The following ATG4B variants were observed in gnomAD, a reference collection of about 807,000 sequenced individuals.
ATG4B encodes autophagy related 4B cysteine peptidase, also known as cysteine protease ATG4B.
ATG4B carries 29 observed loss-of-function variants against 56.6 expected under a neutral mutation model. That is an observed-to-expected ratio of 0.51 (90% confidence interval 0.38 to 0.70). ATG4B has a LOEUF of 0.70. Ranked by LOEUF, ATG4B falls within the 30% of genes least tolerant of loss-of-function variation. ATG4B has a pLI of 0.00. For missense variants in ATG4B, 461 were observed against 515.5 expected (o/e 0.89, Z 1.02); for synonymous variants, 224 against 206.1 (o/e 1.09, Z -0.74).
chr2:241,650,993 A>G lies in ATG4B; in HGVS notation c.11-17A>G, dbSNP rs769044465. 6 of 1,599,002 alleles carry G rather than the reference A, an allele frequency of 3.8e-6. No homozygotes were observed. The South Asian group carries it at 4.5e-5, about 12-fold the overall frequency. ...AATTATAAGTGTCTGATGATTGTGC[A>G]TCTTTGGTTTCAACAGCTACTCTGA... is the stretch of plus-strand genomic sequence containing the variant. On this transcript the variant is annotated splice_polypyrimidine_tract_variant and intron_variant, in intron 1 of 12. Transcript: ENST00000404914.
At chr2:241,661,330 GC>G (rs987621675) in intron 7 of ATG4B, among the ~76,000 whole-genome samples, 4 of 152,204 alleles carry the variant, frequency 2.6e-5, no homozygotes, top group African/African-American at 9.7e-5. Context: ...GATGCACAAG[GC>G]TTGGGTTTCT....
At chr2:241,667,910 C>A (rs975350184) in intron 8 of ATG4B, 16 of 520,232 alleles carry the variant, frequency 3.1e-5, no homozygotes, top group African/African-American at 5.8e-5. Flanking sequence ...TCCCCAAAGC[C>A]CACCTCTGAC....
At chr2:241,655,246 G>A (rs1461868275) in intron 5 of ATG4B, 25 bp from the exon 6 acceptor site, 1 of 1,600,178 alleles carries the variant, frequency 6.2e-7, no homozygotes. Context: ...GGTGTGTGTT[G>A]CTAATGTGTA....
rs1456576939 is a variant in ATG4B, at chr2:241,653,733, T to C, written c.283+123T>C. The C allele has an allele frequency of 3.8e-6, 3 of 793,280 alleles. No homozygotes were observed. In the South Asian group the frequency reaches 5.6e-5, roughly 15 times the overall value. 49.1% of individuals were successfully genotyped at this position (793,280 alleles called of 1,614,324 possible). A position where few individuals can be genotyped will look rare whatever the true frequency, so the allele number is the denominator to read the frequency against. On this transcript the variant is annotated intron_variant, in intron 4 of 12. Coordinates refer to ENST00000404914, the MANE Select transcript of ATG4B (RefSeq NM_013325.5). ...ACAGTAAGTAGAACTTGGGGGTTTC[T>C]TGAGTAATGAGCCACTTGTTTTTCT... is the stretch of plus-strand genomic sequence containing the variant.
chr2:241,672,324 T>A lies in ATG4B; in HGVS notation c.*60T>A. 1 of 1,441,538 alleles carries A rather than the reference T, an allele frequency of 6.9e-7. No homozygotes were observed. Among genetic ancestry groups the A allele is most frequent in the Non-Finnish European group, 9.5e-7 (1 of 1,048,422 alleles). 89.3% of individuals were successfully genotyped at this position (1,441,538 alleles called of 1,614,324 possible). ...CTGGGGCTCCTGGTGCCGCTGCGTT[T>A]CATCCATCCCGCCCGCTCGCCTGCC... On this transcript the variant is annotated 3_prime_UTR_variant, in exon 13 of 13. Transcript: ENST00000404914.
In ATG4B at chr2:241,637,727, G is replaced by A; in HGVS notation, c.10+3G>A. The A allele has an allele frequency of 6.3e-7, 1 of 1,577,978 alleles. No homozygotes were observed. The highest frequency in any genetic ancestry group is 8.6e-7 in the Non-Finnish European group (1 of 1,165,400). On this transcript the variant is annotated splice_donor_region_variant and intron_variant, in intron 1 of 12. Transcript: ENST00000404914. ...CCGGACTGGGAAGATGGACGCAGGT[G>A]AGGAGTTGCCGGGGGTCGGTCTTTC...
intron 7 of ATG4B, among the ~76,000 whole-genome samples, chr2:241,661,387 G>A (rs756216991): frequency 2.1e-4 from 32 of 152,174 alleles, no homozygotes; most frequent in Non-Finnish European, 4.0e-4. Context: ...CATCGGGGTC[G>A]TTCTGAATGA....
rs1575067601 is a variant in ATG4B at position 241,651,965 on chromosome 2, G to C, written c.184+630G>C. ...CCTTGCCTCTCACCGGCGGAGAACT[G>C]AGGCCGGAGGTGAGGGCCGGGCTGG... On this transcript the variant is annotated intron_variant, in intron 3 of 12. Transcript: ENST00000404914. This position sits in a 1 kb window ranked among gnomAD's most constrained non-coding sequence, Gnocchi z 4.1. The C allele has an allele frequency of 7.7e-7, 1 of 1,303,948 alleles. No individual in the cohort carries two copies. The highest frequency in any genetic ancestry group is 5.5e-5 in the East Asian group (1 of 18,038). The allele number at this position is 1,303,948 out of a possible 1,614,324, so 80.8% of individuals were successfully genotyped here.
At chr2:241,671,274 G>T in intron 11 of ATG4B, 38 bp from the exon 12 acceptor site, 1 of 1,566,528 alleles carries the variant, frequency 6.4e-7, no homozygotes, top group African/African-American at 1.3e-5. Flanking sequence ...GCAAGCACTG[G>T]GGTGAGGCTG....
chr2:241,662,771 C>T (rs1305155698), intron 7 of ATG4B, among the ~76,000 whole-genome samples: 4 of 152,074 alleles, frequency 2.6e-5, no homozygotes, highest in Non-Finnish European at 5.9e-5. Flanking sequence ...CGCCTATAAT[C>T]CCAACTTCAA....
At chr2:241,648,865 G>A (rs1393896634) in intron 1 of ATG4B, among the ~76,000 whole-genome samples, 1 of 152,172 alleles carries the variant, frequency 6.6e-6, no homozygotes, top group South Asian at 2.1e-4. Context: ...CCTGTGTTTG[G>A]GAATTAGCTG....
chr2:241,666,736 T>A lies in ATG4B; in HGVS notation c.630T>A (p.Ala210=), dbSNP rs1460203369. The A allele has an allele frequency of 1.6e-5, 26 of 1,611,118 alleles. No individual in the cohort carries two copies. The highest frequency in any genetic ancestry group is 2.2e-5 in the Non-Finnish European group (26 of 1,178,728). ...DRHCNGFPAG[A]EVTNRPSPWR... is the part of the protein sequence containing the mutation. ...ACTGCAACGGATTCCCTGCCGGAGCTGAGGTCACCAACAGGCCGTCGCCAT... is the reference window on the plus strand; with the variant it reads ...ACTGCAACGGATTCCCTGCCGGAGCAGAGGTCACCAACAGGCCGTCGCCAT... The change falls in exon 8 of 13, where the codon GCT becomes GCA. Residue 210 remains alanine, a synonymous_variant. Transcript: ENST00000404914.
Position 241,668,395 on chromosome 2 carries a change from G to A in ATG4B, c.812-145G>A. 3 of 1,371,188 alleles carry A rather than the reference G, an allele frequency of 2.2e-6. No individual in the cohort carries two copies. The South Asian group carries it at 3.8e-5, about 17-fold the overall frequency. 84.9% of individuals were successfully genotyped at this position (1,371,188 alleles called of 1,614,324 possible). A position where few individuals can be genotyped will look rare whatever the true frequency, so the allele number is the denominator to read the frequency against. On this transcript the variant is annotated intron_variant, in intron 9 of 12. Coordinates refer to ENST00000404914, the MANE Select transcript of ATG4B (RefSeq NM_013325.5). The surrounding 1 kb of genome is among the most constrained non-coding windows in gnomAD (Gnocchi z 4.2). Reference sequence around the variant, plus strand: ...CCTCCTGTGTGCCCCTTTCCCTGATGGTCTGGTGCCCTCGGCTCCCTCCCC... The same window carrying A: ...CCTCCTGTGTGCCCCTTTCCCTGATAGTCTGGTGCCCTCGGCTCCCTCCCC...
At chr2:241,669,530 C>A (rs565525480) in intron 10 of ATG4B, among the ~76,000 whole-genome samples, 12 of 152,206 alleles carry the variant, frequency 7.9e-5, no homozygotes, top group South Asian at 2.1e-4. Flanking sequence ...GTTTTTGAGA[C>A]GGAGTCTCAC....
intron 1 of ATG4B, among the ~76,000 whole-genome samples, chr2:241,641,958 A>G (rs1156913274): frequency 6.6e-6 from 1 of 152,052 alleles, no homozygotes; most frequent in Non-Finnish European, 1.5e-5. Context: ...CACACTGCCC[A>G]TTCCTTGAGG....
intron 4 of ATG4B, among the ~76,000 whole-genome samples, chr2:241,654,237 A>G (rs1202445478): frequency 6.6e-6 from 1 of 151,912 alleles, no homozygotes; most frequent in Non-Finnish European, 1.5e-5. Flanking sequence ...CCTGGCCAGC[A>G]TGGTGAAACC....
chr2:241,652,010 C>T (rs1196678154), intron 3 of ATG4B: 3 of 1,292,730 alleles, frequency 2.3e-6, no homozygotes, highest in African/African-American at 3.0e-5. Context: ...TCCTCAGTGC[C>T]AGGTCAGGGT....
intron 7 of ATG4B, among the ~76,000 whole-genome samples, chr2:241,661,428 G>T (rs932539686): frequency 8.5e-5 from 13 of 152,152 alleles, no homozygotes; most frequent in South Asian, 2.1e-4. Context: ...AGGGAGTAGT[G>T]GGGGGAGGGC....
Position 241,651,448 on chromosome 2 carries a change from A to G in ATG4B, c.184+113A>G, listed in dbSNP as rs2068227850. The G allele has an allele frequency of 2.4e-6, 2 of 847,878 alleles. No homozygotes were observed. Among genetic ancestry groups the G allele is most frequent in the Non-Finnish European group, 3.7e-6 (2 of 538,794 alleles). 52.5% of individuals were successfully genotyped at this position (847,878 alleles called of 1,614,324 possible). A position where few individuals can be genotyped will look rare whatever the true frequency, so the allele number is the denominator to read the frequency against. On this transcript the variant is annotated intron_variant, in intron 3 of 12. Coordinates refer to ENST00000404914, the MANE Select transcript of ATG4B (RefSeq NM_013325.5). The surrounding 1 kb of genome is among the most constrained non-coding windows in gnomAD (Gnocchi z 4.1). Reference sequence around the variant, plus strand: ...CCACTGACTTCATTTGAATCTTCACAGCAATCCTGCTTAACTGAATTGGCC... The same window carrying G: ...CCACTGACTTCATTTGAATCTTCACGGCAATCCTGCTTAACTGAATTGGCC...
Sources: gnomAD v4.1 joint callset for allele counts (sites outside exome capture counted in the v4.1 genomes callset) on GRCh38, gnomAD v4.1.1 for gene constraint, Gnocchi (gnomAD v3.1) non-coding constraint, MANE v1.5 for transcripts, NCBI Gene and HGNC (gene_info 2026-07-23, HGNC 2026-07-21) for gene names.